WDR70: variants seen among roughly 807,000 people sequenced by gnomAD.
WDR70 encodes WD repeat-containing protein 70.
Under a neutral mutation model 88.6 loss-of-function variants are expected in WDR70, and 53 were observed. The observed-to-expected ratio is 0.60, with a 90% CI of 0.48 to 0.75. The LOEUF is 0.75. Ranked by LOEUF, WDR70 falls within the 30% of genes least tolerant of loss-of-function variation. The pLI is 0.00. For synonymous variants in WDR70, 280 were observed against 270.0 expected, an observed-to-expected ratio of 1.04 and a Z score of -0.36; for missense variants, 610 against 823.2, an observed-to-expected ratio of 0.74 and a Z score of 3.17.
chr5:37,672,799 T>G (rs1449808295), intron 10 of WDR70, among the ~76,000 whole-genome samples: 2 of 152,142 alleles, frequency 1.3e-5, no homozygotes, highest in South Asian at 2.1e-4. Flanking sequence ...TCTTGCTCTG[T>G]ACTTTGTCTC....
intron 7 of WDR70, among the ~76,000 whole-genome samples, chr5:37,459,430 C>G (rs1561860374): frequency 6.7e-6 from 1 of 148,948 alleles, no homozygotes; most frequent in Non-Finnish European, 1.5e-5. Context: ...GAAAAACAAG[C>G]AATGGGGAAA....
At position 37,562,456 on chromosome 5, in the gene WDR70, T is replaced by G. The variant is rs1479418863; in HGVS notation, c.918-42608T>G. On this transcript the variant is annotated intron_variant, in intron 9 of 17. Coordinates refer to ENST00000265107, the MANE Select transcript of WDR70 (RefSeq NM_018034.4). ...TTGAGGCTTAATTCTCTTTTTTTTT[T>G]TTTTTAATTGATCATTCTTGGGTGT... 7.2e-5 allele frequency among the ~76,000 whole-genome samples: 11 copies of G among 152,182 alleles called. No individual in the cohort carries two copies. The East Asian group carries it at 2.1e-3, about 29-fold the overall frequency.
intron 10 of WDR70, 58 bp downstream of exon 10, chr5:37,605,296 C>G: frequency 6.6e-7 from 1 of 1,506,548 alleles, no homozygotes; most frequent in South Asian, 1.4e-5. Context: ...AGAAGATGGC[C>G]ACCTTACAAA....
chr5:37,460,860 A>G (rs1490656271), intron 7 of WDR70, among the ~76,000 whole-genome samples: 4 of 151,920 alleles, frequency 2.6e-5, no homozygotes, highest in Admixed American at 6.6e-5. Flanking sequence ...ACTTGGTGTT[A>G]TAGTTTCTCA....
At chr5:37,585,505 G>A (rs566060018) in intron 9 of WDR70, among the ~76,000 whole-genome samples, 24 of 152,280 alleles carry the variant, frequency 1.6e-4, no homozygotes, top group African/African-American at 4.6e-4. Flanking sequence ...GAGAAGAGTA[G>A]GGTTCTATCA....
intron 5 of WDR70, among the ~76,000 whole-genome samples, chr5:37,421,885 G>C (rs1001179115): frequency 2.0e-5 from 3 of 151,688 alleles, no homozygotes; most frequent in South Asian, 4.2e-4. Context: ...CTCAGCAGGT[G>C]AAATTCTCCC....
chr5:37,686,883 G>C (rs1746620482), intron 10 of WDR70, among the ~76,000 whole-genome samples: 1 of 149,522 alleles, frequency 6.7e-6, no homozygotes, highest in African/African-American at 2.5e-5. Flanking sequence ...GCACACCTAA[G>C]AATAAGAGGC....
intron 8 of WDR70, among the ~76,000 whole-genome samples, chr5:37,482,633 GT>G (rs1417801874): frequency 6.6e-6 from 1 of 152,166 alleles, no homozygotes; most frequent in African/African-American, 2.4e-5. Context: ...ATATCAGTAG[GT>G]TTTGACTTCT....
chr5:37,623,337 T>C (rs1445765159), intron 10 of WDR70, among the ~76,000 whole-genome samples: 1 of 152,128 alleles, frequency 6.6e-6, no homozygotes, highest in Non-Finnish European at 1.5e-5. Flanking sequence ...TTCTAAATAT[T>C]GGTGATTGCA....
At position 37,686,951 on chromosome 5, in the gene WDR70, AAATAATAATAATAAT is replaced by A. The variant is rs70978838; in HGVS notation, c.1093-10683_1093-10669del. On this transcript the variant is annotated intron_variant, in intron 10 of 17. Transcript: ENST00000265107. ...GCAACAAGAGCAAAACTCTGTCTCA[AAATAATAATAATAAT>A]AATAATAATAATAATAATAAGCCTA... Among the ~76,000 whole-genome samples, 310 of 143,096 alleles carry A rather than the reference AAATAATAATAATAAT, an allele frequency of 2.2e-3. 1 individual carries two copies. The highest frequency in any genetic ancestry group is 7.1e-3 in the African/African-American group (272 of 38,240). The allele number at this position is 143,096 out of a possible 152,430, so 93.9% of individuals were successfully genotyped here.
intron 9 of WDR70, among the ~76,000 whole-genome samples, chr5:37,554,108 C>CTTT (rs75489460): frequency 0.014 from 1,864 of 134,400 alleles, 44 homozygotes; most frequent in African/African-American, 0.048. Flanking sequence ...TGCAATACTC[C>CTTT]TTTTTTTTTT....
intron 10 of WDR70, among the ~76,000 whole-genome samples, chr5:37,691,434 A>T (rs1252452732): frequency 6.6e-6 from 1 of 152,212 alleles, no homozygotes; most frequent in Non-Finnish European, 1.5e-5. Flanking sequence ...CATCAAACTT[A>T]TTCCAAAATT....
intron 5 of WDR70, among the ~76,000 whole-genome samples, chr5:37,419,701 G>T (rs1489454479): frequency 6.6e-6 from 1 of 151,876 alleles, no homozygotes; most frequent in Non-Finnish European, 1.5e-5. Context: ...TGTAATCCCT[G>T]CTACTTGGGA....
At chr5:37,700,383 G>C (rs1291989505) in intron 11 of WDR70, 1 of 152,260 alleles carries the variant, frequency 6.6e-6, no homozygotes, top group Non-Finnish European at 1.5e-5. Context: ...CAGGGGCTAT[G>C]CTAATCTTCT....
intron 8 of WDR70, among the ~76,000 whole-genome samples, chr5:37,487,627 A>ATATAT (rs1317924512): frequency 1.2e-4 from 8 of 69,068 alleles, no homozygotes; most frequent in African/African-American, 4.0e-4. Context: ...ATATATATGT[A>ATATAT]TTTTTTTTTT....
intron 10 of WDR70, among the ~76,000 whole-genome samples, chr5:37,675,665 C>T (rs192776354): frequency 0.014 from 2,077 of 152,154 alleles, 48 homozygotes; most frequent in African/African-American, 0.046. Context: ...AGTCAGGTAG[C>T]GTGATGCCTC....
chr5:37,594,771 G>A (rs1743650657), intron 9 of WDR70, among the ~76,000 whole-genome samples: 1 of 152,184 alleles, frequency 6.6e-6, no homozygotes, highest in Non-Finnish European at 1.5e-5. Context: ...CTATCCATGA[G>A]CCTGGAATCT....
At chr5:37,577,886 A>G (rs1743103883) in intron 9 of WDR70, among the ~76,000 whole-genome samples, 2 of 152,240 alleles carry the variant, frequency 1.3e-5, no homozygotes, top group African/African-American at 2.4e-5. Flanking sequence ...ATACATGGAT[A>G]GTAAAACTTA....
chr5:37,704,853 T>C (rs1382569368), intron 13 of WDR70, among the ~76,000 whole-genome samples: 2 of 151,242 alleles, frequency 1.3e-5, no homozygotes, highest in African/African-American at 2.4e-5. Flanking sequence ...ACTGGTCTTG[T>C]ATACAATTAG....
Sources: allele counts gnomAD v4.1 joint callset (sites outside exome capture counted in the v4.1 genomes callset), GRCh38; gene constraint gnomAD v4.1.1; transcripts MANE v1.5; gene names NCBI Gene and HGNC (gene_info 2026-07-23, HGNC 2026-07-21).